Variants in DCBLD1 observed in about 807,000 individuals in gnomAD.
DCBLD1 encodes the protein discoidin, CUB and LCCL domain-containing protein 1.
In DCBLD1, 57 loss-of-function variants were observed where a neutral mutation model predicts 71.5. The observed-to-expected ratio is 0.80, with a 90% CI of 0.64 to 0.99. The LOEUF (loss-of-function observed/expected upper bound fraction) is 0.99. Among genes scored for constraint, DCBLD1 ranks in the 50% least tolerant of loss-of-function variants. The pLI is 0.00. For missense variants in DCBLD1, 891 were observed against 923.5 expected (o/e 0.96, Z 0.46); for synonymous variants, 380 against 363.8 (o/e 1.04, Z -0.51).
intron 1 of DCBLD1, 61 bp downstream of exon 1, chr6:117,482,954 G>GCGGGGCGGGCCGGGCCGGGCCGAGGGCTA (rs774489848): frequency 2.3e-5 from 26 of 1,109,674 alleles, no homozygotes; most frequent in South Asian, 8.2e-5. Context: ...GCTGAGGGCT[G>GCGGGGCGGGCCGGGCCGGGCCGAGGGCTA]CGGGGCGGGC....
At chr6:117,518,818 A>C (rs2114483185) in intron 2 of DCBLD1, among the ~76,000 whole-genome samples, 1 of 152,280 alleles carries the variant, frequency 6.6e-6, no homozygotes, top group East Asian at 1.9e-4. Flanking sequence ...ATGGGAATTC[A>C]AGATGAGATT....
At chr6:117,563,149 G>T in intron 14 of DCBLD1, 1 of 1,033,756 alleles carries the variant, frequency 9.7e-7, no homozygotes, top group Non-Finnish European at 1.4e-6. Flanking sequence ...TTTCATTTAG[G>T]CAACAAACAG....
chr6:117,542,178 A>T (rs1476962527), intron 11 of DCBLD1, among the ~76,000 whole-genome samples: 2 of 152,150 alleles, frequency 1.3e-5, no homozygotes, highest in East Asian at 3.9e-4. Context: ...CTGTAGTCCC[A>T]GCTACTCGGG....
intron 4 of DCBLD1, among the ~76,000 whole-genome samples, chr6:117,524,714 A>G (rs1778492559): frequency 6.6e-6 from 1 of 152,128 alleles, no homozygotes; most frequent in Admixed American, 6.5e-5. Context: ...TCTTATTGGT[A>G]TTTATTTCTG....
At chr6:117,519,511 C>T (rs1248102745) in intron 2 of DCBLD1, among the ~76,000 whole-genome samples, 3 of 152,124 alleles carry the variant, frequency 2.0e-5, no homozygotes. Flanking sequence ...ATTTTCTTTA[C>T]TACCTAATGT....
At chr6:117,557,105 C>T (rs1298912706) in intron 14 of DCBLD1, among the ~76,000 whole-genome samples, 2 of 152,136 alleles carry the variant, frequency 1.3e-5, no homozygotes, top group Non-Finnish European at 2.9e-5. Flanking sequence ...CCTCTTAAAA[C>T]TTTAAATCAA....
chr6:117,512,396 C>G (rs953490753), intron 2 of DCBLD1, among the ~76,000 whole-genome samples: 1 of 152,132 alleles, frequency 6.6e-6, no homozygotes, highest in Non-Finnish European at 1.5e-5. Context: ...AGGAATATCC[C>G]TTTTTTATGC....
chr6:117,556,216 A>AAT (rs1779493546), intron 14 of DCBLD1, among the ~76,000 whole-genome samples: 1 of 152,066 alleles, frequency 6.6e-6, no homozygotes, highest in Non-Finnish European at 1.5e-5. Context: ...CCTTTTTTAA[A>AAT]ATATATTTTT....
At chr6:117,553,830 A>C (rs569907158), downstream of DCBLD1, among the ~76,000 whole-genome samples, 34 of 152,246 alleles carry the variant, frequency 2.2e-4, no homozygotes, top group Middle Eastern at 3.4e-3. Flanking sequence ...ATGTATCAAG[A>C]ACTAGTATGG....
intron 2 of DCBLD1, among the ~76,000 whole-genome samples, chr6:117,519,338 AAAGG>A (rs1171926995): frequency 1.3e-5 from 2 of 152,214 alleles, no homozygotes; most frequent in African/African-American, 4.8e-5. Context: ...AAGTTACTGT[AAAGG>A]AAAATCAGTG....
chr6:117,520,765 G>C (rs755013309), intron 3 of DCBLD1, among the ~76,000 whole-genome samples: 3 of 152,198 alleles, frequency 2.0e-5, no homozygotes, highest in Non-Finnish European at 4.4e-5. Context: ...GGTTTCTGCT[G>C]TCAGTCCTCT....
intron 5 of DCBLD1, among the ~76,000 whole-genome samples, chr6:117,526,010 G>A (rs1778536809): frequency 6.6e-6 from 1 of 152,164 alleles, no homozygotes; most frequent in Non-Finnish European, 1.5e-5. Context: ...ATTGCTATTT[G>A]AAGTAGTTGG....
At chr6:117,566,420 A>G (rs1470872155) in intron 14 of DCBLD1, among the ~76,000 whole-genome samples, 2 of 152,176 alleles carry the variant, frequency 1.3e-5, no homozygotes, top group Admixed American at 6.5e-5. Flanking sequence ...CCAAGATAAT[A>G]TAAGTTGATT....
intron 2 of DCBLD1, among the ~76,000 whole-genome samples, chr6:117,515,917 G>A (rs892459724): frequency 6.6e-6 from 1 of 152,134 alleles, no homozygotes; most frequent in Non-Finnish European, 1.5e-5. Context: ...CAGTCTGTTG[G>A]AGATAAAGGG....
rs1777749607 is a variant in DCBLD1 at position 117,503,931 on chromosome 6, A to G, written c.277A>G (p.Thr93Ala). The part of the protein sequence containing the change: ...RLGDLDIESQ[T>A]CASDYLLFTS... The stretch of plus-strand genomic sequence containing the variant: ...GGGAGATTTGGATATCGAATCCCAG[A>G]CCTGTGCTTCTGACTATCTTCTCTT... The change falls in exon 2 of 15, where the codon ACC becomes GCC. Residue 93 changes from threonine to alanine, a missense_variant. Thr to Ala is a moderately conservative substitution (Grantham distance 58). Coordinates refer to ENST00000338728, the MANE Select transcript of DCBLD1 (RefSeq NM_001366458.2). The G allele has an allele frequency of 6.2e-7, 1 of 1,614,154 alleles. No individual in the cohort carries two copies. Among genetic ancestry groups the G allele is most frequent in the Non-Finnish European group, 8.5e-7 (1 of 1,180,008 alleles).
chr6:117,523,019 A>G (rs13202797), intron 4 of DCBLD1, among the ~76,000 whole-genome samples: 2,224 of 152,340 alleles, frequency 0.015, 35 homozygotes, highest in Middle Eastern at 0.041. Flanking sequence ...AATAGGGGGA[A>G]AAATGAAAAT....
chr6:117,548,419 G>T lies in DCBLD1; in HGVS notation c.2128G>T (p.Ala710Ser). 6.4e-7 allele frequency: 1 copy of T among 1,550,620 alleles called. No individual in the cohort carries two copies. The highest frequency in any genetic ancestry group is 1.2e-5 in the South Asian group (1 of 84,062). The change falls in exon 15 of 15, where the codon GCC becomes TCC. Residue 710 changes from alanine (A) to serine (S), a missense_variant. By Grantham distance (99) the Ala-to-Ser change is moderately conservative. Transcript: ENST00000338728. Reference protein sequence around the residue: ...RDCLTPLNQTAMTALL With the variant: ...RDCLTPLNQTSMTALL ...CTGCCTCACACCCCTCAACCAGACG[G>T]CCATGACTGCCCTTTTGTGAACACA... is the stretch of plus-strand genomic sequence containing the variant.
intron 6 of DCBLD1, among the ~76,000 whole-genome samples, chr6:117,533,820 G>A (rs190416152): frequency 6.6e-6 from 1 of 152,296 alleles, no homozygotes; most frequent in African/African-American, 2.4e-5. Flanking sequence ...CATGCTCACG[G>A]CCAGGAGGCT....
chr6:117,566,919 A>G, intron 14 of DCBLD1: 1 of 1,610,802 alleles, frequency 6.2e-7, no homozygotes, highest in East Asian at 2.2e-5. Flanking sequence ...ACCTCCTTCT[A>G]ACTCATCAAG....
Sources: allele counts gnomAD v4.1 joint callset (sites outside exome capture counted in the v4.1 genomes callset), GRCh38; gene constraint gnomAD v4.1.1; transcripts MANE v1.5; gene names NCBI Gene and HGNC (gene_info 2026-07-23, HGNC 2026-07-21).